CASS4: variants seen among roughly 807,000 people sequenced by gnomAD.
The protein encoded by CASS4 is cas scaffolding protein family member 4.
In CASS4, 22 loss-of-function variants were observed where a neutral mutation model predicts 54.2. The ratio of observed to expected loss-of-function variants is 0.41; its 90% CI spans 0.29 to 0.58. The LOEUF (loss-of-function observed/expected upper bound fraction) is 0.58, where lower values mean the gene tolerates loss of function less well. CASS4 is among the 20% of genes least tolerant of loss of function. CASS4 has a pLI of 0.36. For missense variants in CASS4, 854 were observed against 986.7 expected (o/e 0.87, Z 1.80); for synonymous variants, 409 against 391.5 (o/e 1.04, Z -0.53).
At position 56,437,843 on chromosome 20, in the gene CASS4, G is replaced by T. The variant is rs1980269181; in HGVS notation, c.459+257G>T. On this transcript the variant is annotated intron_variant, in intron 2 of 5. Transcript: ENST00000679887. This position sits in a 1 kb window ranked among gnomAD's most constrained non-coding sequence, Gnocchi z 4.7. ...AGGCTGGGCACACTCTGTGGGAAATGGAATGCTTAGCTGAGCTGTGTGGGA... is the reference window on the plus strand; with the variant it reads ...AGGCTGGGCACACTCTGTGGGAAATTGAATGCTTAGCTGAGCTGTGTGGGA... Among the ~76,000 whole-genome samples, 1 of 152,112 alleles carries T rather than the reference G, an allele frequency of 6.6e-6. No homozygotes were observed. The highest frequency in any genetic ancestry group is 1.5e-5 in the Non-Finnish European group (1 of 68,016).
At chr20:56,450,529 G>C (rs1206438360) in intron 3 of CASS4, 70 bp from the exon 4 acceptor site, 2 of 1,356,670 alleles carry the variant, frequency 1.5e-6, no homozygotes, top group Non-Finnish European at 2.1e-6. Flanking sequence ...ACTGGAATAG[G>C]GAGTGTTCGT....
At chr20:56,436,645 C>T (rs2146280563) in intron 1 of CASS4, among the ~76,000 whole-genome samples, 1 of 152,156 alleles carries the variant, frequency 6.6e-6, no homozygotes, top group South Asian at 2.1e-4. Context: ...CTACAAGGGT[C>T]ATAATTTCCA....
At chr20:56,453,496 C>A (rs1981141185) in intron 5 of CASS4, 1 of 182,876 alleles carries the variant, frequency 5.5e-6, no homozygotes, top group Non-Finnish European at 1.1e-5. Flanking sequence ...TAAATTTAGT[C>A]ATTCTCAGTG....
At chr20:56,427,657 C>T (rs898646529) in intron 1 of CASS4, among the ~76,000 whole-genome samples, 1 of 152,192 alleles carries the variant, frequency 6.6e-6, no homozygotes, top group African/African-American at 2.4e-5. Flanking sequence ...CATAAAAGCT[C>T]CTACATCCAT....
intron 1 of CASS4, among the ~76,000 whole-genome samples, chr20:56,413,672 CAAAAAAAA>C (rs35217347): frequency 2.5e-4 from 7 of 28,312 alleles, no homozygotes; most frequent in South Asian, 1.3e-3. Flanking sequence ...GACTCTGTCT[CAAAAAAAA>C]AAAAAAAAAA....
rs763631609 is a variant in CASS4, at chr20:56,451,993, C to T, written c.817C>T (p.Pro273Ser). 8.1e-6 allele frequency: 13 copies of T among 1,614,214 alleles called. 1 individual carries two copies. The South Asian group carries it at 1.2e-4, about 15-fold the overall frequency. The change falls in exon 5 of 6, where the codon CCC (proline) becomes TCC (serine). Residue 273 changes from proline to serine, a missense_variant. Coordinates refer to ENST00000679887, the MANE Select transcript of CASS4 (RefSeq NM_020356.4). ...FAEESRPHAL[P>S]SSSSTFYNPP... ...GGAAGAATCAAGGCCCCACGCTCTC[C>T]CCAGTTCCAGCTCCACTTTCTACAA... is the stretch of plus-strand genomic sequence containing the variant.
chr20:56,448,986 T>C (rs1305507170), intron 3 of CASS4, among the ~76,000 whole-genome samples: 2 of 152,050 alleles, frequency 1.3e-5, no homozygotes, highest in Non-Finnish European at 2.9e-5. Context: ...TGTGGAGAAA[T>C]AGGAACACTT....
chr20:56,439,878 T>G (rs1022281192), intron 2 of CASS4, among the ~76,000 whole-genome samples: 2 of 152,198 alleles, frequency 1.3e-5, no homozygotes, highest in African/African-American at 4.8e-5. Flanking sequence ...TCAGCTCCCA[T>G]GACACATCCC....
At chr20:56,453,410 A>G (rs1403840983) in intron 5 of CASS4, 2 of 243,480 alleles carry the variant, frequency 8.2e-6, no homozygotes, top group African/African-American at 2.2e-5. Flanking sequence ...AGGGATTTTT[A>G]AATTTCTTAA....
chr20:56,421,891 A>G (rs954425358), intron 1 of CASS4, among the ~76,000 whole-genome samples: 2 of 152,254 alleles, frequency 1.3e-5, no homozygotes, highest in African/African-American at 4.8e-5. Context: ...AAGCACCTGC[A>G]TGTTATTTTC....
Position 56,452,105 on chromosome 20 carries a change from C to T in CASS4, c.929C>T (p.Pro310Leu). The change falls in exon 5 of 6, where the codon CCT (proline) becomes CTT (leucine). Residue 310 changes from proline to leucine, a missense_variant. Transcript: ENST00000679887. ...MQKKLSLPEI[P>L]SYGFLVPRGT... ...AAAAAACTCAGCCTTCCAGAAATTC[C>T]TTCTTATGGCTTTCTTGTACCCAGA... 1 of 1,614,190 alleles carries T rather than the reference C, an allele frequency of 6.2e-7. No homozygotes were observed. Among genetic ancestry groups the T allele is most frequent in the East Asian group, 2.2e-5 (1 of 44,882 alleles).
rs1600759755 is a variant in CASS4 at position 56,437,195 on chromosome 20, GC to G, written c.71del (p.Pro24LeufsTer15). 6.3e-7 allele frequency: 1 copy of G among 1,587,686 alleles called. No individual in the cohort carries two copies. On this transcript the variant is annotated frameshift_variant, in exon 2 of 6. Transcript: ENST00000679887. LOFTEE classifies it high-confidence loss of function. The surrounding 1 kb of genome is among the most constrained non-coding windows in gnomAD (Gnocchi z 4.7). ...ALLARALYDN[C>X]PDCSDELAFS... ...CTGGCCAGGGCACTTTATGACAACT[GC>G]CCTGACTGCTCTGACGAGCTGGCTT...
chr20:56,422,279 A>T (rs1024072665), intron 1 of CASS4, among the ~76,000 whole-genome samples: 13 of 152,224 alleles, frequency 8.5e-5, no homozygotes, highest in African/African-American at 3.1e-4. Context: ...CTGGTATGAC[A>T]TGGGCCCATC....
At chr20:56,441,057 C>T (rs1056758219) in intron 2 of CASS4, among the ~76,000 whole-genome samples, 6 of 149,386 alleles carry the variant, frequency 4.0e-5, no homozygotes, top group Non-Finnish European at 7.4e-5. Context: ...GGCGTGATCT[C>T]GGCTCACTGC....
intron 2 of CASS4, among the ~76,000 whole-genome samples, chr20:56,443,957 C>T (rs1230685918): frequency 6.6e-6 from 1 of 152,138 alleles, no homozygotes; most frequent in Non-Finnish European, 1.5e-5. Context: ...TTCAGGGAAC[C>T]AAGTTTCTCA....
chr20:56,440,818 A>AGG, intron 2 of CASS4, among the ~76,000 whole-genome samples: 1 of 152,184 alleles, frequency 6.6e-6, no homozygotes, highest in South Asian at 2.1e-4. Flanking sequence ...AAGGAAATTC[A>AGG]GGGGGGGTCC....
At chr20:56,427,450 C>T (rs528976085) in intron 1 of CASS4, among the ~76,000 whole-genome samples, 20 of 152,180 alleles carry the variant, frequency 1.3e-4, no homozygotes, top group Non-Finnish European at 2.4e-4. Flanking sequence ...ACAGATAATA[C>T]CCTTCTCTCT....
chr20:56,455,747 T>C (rs1348732322), intron 5 of CASS4, among the ~76,000 whole-genome samples: 1 of 152,038 alleles, frequency 6.6e-6, no homozygotes, highest in Admixed American at 6.6e-5. Flanking sequence ...CTGACCAACA[T>C]GGTGAAACCC....
intron 1 of CASS4, among the ~76,000 whole-genome samples, chr20:56,429,229 T>C (rs1290650902): frequency 6.6e-6 from 1 of 152,196 alleles, no homozygotes; most frequent in Non-Finnish European, 1.5e-5. Context: ...ATGATGAAAG[T>C]GTGCGGGCCA....
Sources: gnomAD v4.1 joint callset for allele counts (sites outside exome capture counted in the v4.1 genomes callset) on GRCh38, gnomAD v4.1.1 for gene constraint, Gnocchi (gnomAD v3.1) non-coding constraint, MANE v1.5 for transcripts, NCBI Gene and HGNC (gene_info 2026-07-23, HGNC 2026-07-21) for gene names.